Variants in PDE1A observed in about 807,000 individuals in gnomAD.
The protein encoded by PDE1A is dual specificity calcium/calmodulin-dependent 3',5'-cyclic nucleotide phosphodiesterase 1A.
Under a neutral mutation model 61.7 loss-of-function variants are expected in PDE1A, and 35 were observed. The ratio of observed to expected loss-of-function variants is 0.57; its 90% CI spans 0.43 to 0.75. PDE1A has a LOEUF of 0.75. Among genes scored for constraint, PDE1A ranks in the 30% least tolerant of loss-of-function variants. The pLI is 0.00. For synonymous variants in PDE1A, 232 were observed against 213.2 expected (o/e 1.09, Z -0.77); for missense variants, 597 against 630.6 (o/e 0.95, Z 0.57).
chr2:182,378,586 T>G (rs17264929), intron 1 of PDE1A, among the ~76,000 whole-genome samples: 11,786 of 152,250 alleles, frequency 0.077, 545 homozygotes, highest in Non-Finnish European at 0.11. Context: ...TTCCAAGTAT[T>G]AGCTGTGATA....
At chr2:182,570,390 TAG>T in the PDE1A span, among the ~76,000 whole-genome samples, 1 of 152,106 alleles carries the variant, frequency 6.6e-6, no homozygotes, top group Non-Finnish European at 1.5e-5. Flanking sequence ...GAAAGAGAAA[TAG>T]AGACAGTTGT....
chr2:182,688,082 G>T, the PDE1A span, among the ~76,000 whole-genome samples: 1 of 152,282 alleles, frequency 6.6e-6, no homozygotes, highest in South Asian at 2.1e-4. Flanking sequence ...AGGGAGAATG[G>T]AACCAAGTTG....
the PDE1A span, among the ~76,000 whole-genome samples, chr2:182,618,147 C>T: frequency 1.3e-5 from 2 of 152,012 alleles, no homozygotes; most frequent in African/African-American, 4.8e-5. Flanking sequence ...TACAGGAAAA[C>T]TGAAAATAAA....
At chr2:182,405,955 T>C (rs779469102) in intron 1 of PDE1A, among the ~76,000 whole-genome samples, 14 of 152,024 alleles carry the variant, frequency 9.2e-5, no homozygotes, top group Non-Finnish European at 1.3e-4. Flanking sequence ...AAGAATAACA[T>C]ATTGCTCTAC....
chr2:182,693,637 CTT>C, the PDE1A span, among the ~76,000 whole-genome samples: 369 of 123,374 alleles, frequency 3.0e-3, no homozygotes, highest in South Asian at 0.012. Context: ...TGATAGTGTT[CTT>C]TTTTTTTTTT....
intron 2 of PDE1A, among the ~76,000 whole-genome samples, chr2:182,481,632 C>CA (rs915017529): frequency 6.6e-6 from 1 of 151,814 alleles, no homozygotes; most frequent in East Asian, 1.9e-4. Flanking sequence ...AAGCACAGTA[C>CA]AAAAATCCCA....
At chr2:182,677,882 G>T in the PDE1A span, among the ~76,000 whole-genome samples, 84 of 152,252 alleles carry the variant, frequency 5.5e-4, no homozygotes. Context: ...TTCTGTACAT[G>T]TCTGACTGCC....
chr2:182,616,066 T>C, the PDE1A span, among the ~76,000 whole-genome samples: 8 of 152,232 alleles, frequency 5.3e-5, no homozygotes, highest in Non-Finnish European at 1.0e-4. Flanking sequence ...TCTTAGCTTC[T>C]CAGCAATGAA....
chr2:182,322,130 C>G (rs1022777594), intron 1 of PDE1A, among the ~76,000 whole-genome samples: 10 of 152,106 alleles, frequency 6.6e-5, no homozygotes, highest in African/African-American at 2.4e-4. Flanking sequence ...TCTTTCTAAA[C>G]CTCTGTCTTC....
chr2:182,179,098 T>G (rs549688085), intron 13 of PDE1A, among the ~76,000 whole-genome samples: 1 of 152,294 alleles, frequency 6.6e-6, no homozygotes, highest in South Asian at 2.1e-4. Flanking sequence ...TAAGCTTATA[T>G]TTTCTTCAAA....
At chr2:182,708,166 G>T in the PDE1A span, among the ~76,000 whole-genome samples, 3 of 151,926 alleles carry the variant, frequency 2.0e-5, no homozygotes, top group African/African-American at 7.3e-5. Context: ...AAAATACACA[G>T]TTTAGGACTA....
intron 1 of PDE1A, among the ~76,000 whole-genome samples, chr2:182,287,440 T>A (rs1694240423): frequency 6.6e-6 from 1 of 152,166 alleles, no homozygotes; most frequent in South Asian, 2.1e-4. Context: ...TATTTACCTA[T>A]CTATTTATGA....
At chr2:182,532,120 T>A in the PDE1A span, among the ~76,000 whole-genome samples, 30 of 126,894 alleles carry the variant, frequency 2.4e-4, no homozygotes, top group Non-Finnish European at 4.1e-4. Flanking sequence ...GTAAAAAAAA[T>A]TTTTTTAAAG....
intron 7 of PDE1A, among the ~76,000 whole-genome samples, chr2:182,221,762 A>ACTT (rs2125599039): frequency 6.6e-6 from 1 of 152,122 alleles, no homozygotes; most frequent in East Asian, 1.9e-4. Context: ...GTGGGAGCAG[A>ACTT]CTTATATAAG....
At chr2:182,528,486 A>C in the PDE1A span, among the ~76,000 whole-genome samples, 8 of 152,234 alleles carry the variant, frequency 5.3e-5, no homozygotes, top group African/African-American at 1.9e-4. Context: ...AGAGCATAAA[A>C]GTTTGGAATA....
chr2:182,627,869 G>C, the PDE1A span, among the ~76,000 whole-genome samples: 2 of 151,430 alleles, frequency 1.3e-5, no homozygotes, highest in Admixed American at 1.3e-4. Context: ...ACTTGAACCC[G>C]GGAGGTGGAG....
chr2:182,170,546 C>T (rs765498549), intron 13 of PDE1A, among the ~76,000 whole-genome samples: 1 of 151,884 alleles, frequency 6.6e-6, no homozygotes, highest in Non-Finnish European at 1.5e-5. Context: ...ATAGCTATAC[C>T]ATATAATTTT....
At chr2:182,224,159 C>T (rs182087356) in intron 6 of PDE1A, among the ~76,000 whole-genome samples, 195 bp from the exon 7 acceptor site, 134 of 151,960 alleles carry the variant, frequency 8.8e-4, no homozygotes, top group African/African-American at 3.2e-3. Context: ...TGTTTCATGG[C>T]ATATAAGTTC....
chr2:182,387,806 A>T (rs1038619579), intron 1 of PDE1A, among the ~76,000 whole-genome samples: 6 of 152,096 alleles, frequency 3.9e-5, no homozygotes, highest in African/African-American at 1.4e-4. Context: ...TCTACAAAAC[A>T]ACTAGAAAAC....
Sources: gnomAD v4.1 joint callset for allele counts (sites outside exome capture counted in the v4.1 genomes callset) on GRCh38, gnomAD v4.1.1 for gene constraint, MANE v1.5 for transcripts, NCBI Gene and HGNC (gene_info 2026-07-23, HGNC 2026-07-21) for gene names.